Variants in MGAT5B observed in about 807,000 individuals in gnomAD.
MGAT5B encodes the protein alpha-1,6-mannosylglycoprotein 6-beta-N-acetylglucosaminyltransferase B.
A neutral mutation model predicts 95.1 loss-of-function variants in MGAT5B; 54 were observed. That is an observed-to-expected ratio of 0.57 (90% confidence interval 0.46 to 0.71). The LOEUF (loss-of-function observed/expected upper bound fraction) is 0.71. Among genes scored for constraint, MGAT5B ranks in the 30% least tolerant of loss-of-function variants. The pLI is 0.00. For synonymous variants in MGAT5B, 464 were observed against 451.0 expected (o/e 1.03, Z -0.36); for missense variants, 935 against 1,088.6 (o/e 0.86, Z 1.99).
Position 76,882,227 on chromosome 17 carries a change from C to G in MGAT5B, c.258C>G (p.Asp86Glu). 1 of 1,613,704 alleles carries G rather than the reference C, an allele frequency of 6.2e-7. No individual in the cohort carries two copies. The highest frequency in any genetic ancestry group is 8.5e-7 in the Non-Finnish European group (1 of 1,179,930). Residue 86 changes from aspartate to glutamate, a missense_variant, in exon 3 of 18, where the codon GAC becomes GAG. By Grantham distance (45) the Asp-to-Glu change is conservative. Transcript: ENST00000569840. ...TGGAGCTGATGGTGAAGCGCATGGA[C>G]GCACTGGCCAGGCTGGAGAACAGCA... ...DLLELMVKRM[D>E]ALARLENSSE...
At chr17:76,942,453 G>T (rs1165869996) in intron 15 of MGAT5B, among the ~76,000 whole-genome samples, 1 of 152,064 alleles carries the variant, frequency 6.6e-6, no homozygotes, top group Non-Finnish European at 1.5e-5. Context: ...CTTGAACCTG[G>T]GAGGTGGAGG....
intron 3 of MGAT5B, among the ~76,000 whole-genome samples, chr17:76,886,990 G>A (rs1967654151): frequency 6.6e-6 from 1 of 152,144 alleles, no homozygotes; most frequent in Admixed American, 6.5e-5. Flanking sequence ...GCTGCACTGA[G>A]CTGAGATCGC....
In MGAT5B at chr17:76,932,700, G is replaced by A. The variant is rs147087346; in HGVS notation, c.1347G>A (p.Thr449=). 363 of 1,614,018 alleles carry A rather than the reference G, an allele frequency of 2.2e-4. 1 individual carries two copies. The African/African-American group carries it at 4.3e-3, about 19-fold the overall frequency. The change falls in exon 11 of 18, where the codon ACG becomes ACA. Residue 449 remains threonine, a synonymous_variant. Coordinates refer to ENST00000569840, the MANE Select transcript of MGAT5B (RefSeq NM_001199172.2). ...MGFVSEELNE[T]EKRLIKGGKA... ...TCGTGTCCGAGGAGCTCAACGAGAC[G>A]GAGAAGCGGCTCATCAAAGGCGGCA...
chr17:76,888,028 G>A (rs961103150), intron 3 of MGAT5B, among the ~76,000 whole-genome samples: 2 of 152,168 alleles, frequency 1.3e-5, no homozygotes, highest in African/African-American at 2.4e-5. Context: ...TGTCCCTGGA[G>A]CACAGTGATC....
intron 4 of MGAT5B, 111 bp downstream of exon 4, chr17:76,902,781 A>T (rs1968364718): frequency 2.3e-6 from 2 of 858,680 alleles, no homozygotes. Flanking sequence ...TTCTCCTGAC[A>T]GCAGCTCTGC....
At position 76,906,303 on chromosome 17, in the gene MGAT5B, C is replaced by A; in HGVS notation, c.1025+116C>A. 1.0e-6 allele frequency: 1 copy of A among 952,418 alleles called. No homozygotes were observed. The highest frequency in any genetic ancestry group is 1.5e-6 in the Non-Finnish European group (1 of 661,390). 59.0% of individuals were successfully genotyped at this position (952,418 alleles called of 1,614,324 possible). ...CCTGCTCTGCCTGCAGGTCCCACGG[C>A]CCTGAGACCCTGGGAGACATCCTGG... On this transcript the variant is annotated intron_variant, in intron 8 of 17. Coordinates refer to ENST00000569840, the MANE Select transcript of MGAT5B (RefSeq NM_001199172.2). The surrounding 1 kb of genome is among the most constrained non-coding windows in gnomAD (Gnocchi z 4.6).
rs891596073 is a variant in MGAT5B, at chr17:76,940,983, C to T, written c.1848+135C>T. The T allele has an allele frequency of 2.2e-5, 15 of 668,948 alleles. No homozygotes were observed. Among genetic ancestry groups the T allele is most frequent in the Non-Finnish European group, 3.4e-5 (13 of 382,812 alleles). The allele number at this position is 668,948 out of a possible 1,614,324, so 41.4% of individuals were successfully genotyped here. A position where few individuals can be genotyped will look rare whatever the true frequency, so the allele number is the denominator to read the frequency against. ...GGTTGGCAAAGGTGTCCATCCCTCC[C>T]CTGGTCAGACACAGCCCTGAGCCAG... On this transcript the variant is annotated intron_variant, in intron 15 of 17. Coordinates refer to ENST00000569840, the MANE Select transcript of MGAT5B (RefSeq NM_001199172.2). This position sits in a 1 kb window ranked among gnomAD's most constrained non-coding sequence, Gnocchi z 4.3.
intron 3 of MGAT5B, among the ~76,000 whole-genome samples, chr17:76,895,850 T>C (rs2042408936): frequency 1.3e-5 from 2 of 152,220 alleles, no homozygotes; most frequent in African/African-American, 4.8e-5. Flanking sequence ...TATTTTATAA[T>C]ATATGAAAAT....
Position 76,904,279 on chromosome 17 carries a change from C to T in MGAT5B, c.547C>T (p.Pro183Ser), listed in dbSNP as rs1598935977. Residue 183 changes from proline (P) to serine (S), a missense_variant, in exon 6 of 18, where the codon CCC becomes TCC. Around this residue, in one of 4 missense-constraint regions of MGAT5B, gnomAD observed 243 missense variants for 305.5 expected, o/e 0.80. Transcript: ENST00000569840. ...EWMRARWTSDPCYAFFGVDGT... is the reference protein window; with the variant it reads ...EWMRARWTSDSCYAFFGVDGT... Reference sequence around the variant, plus strand: ...GATGCGTGCCCGCTGGACCTCTGACCCCTGCTACGCCTTCTTTGGGGTGGA... The same window carrying T: ...GATGCGTGCCCGCTGGACCTCTGACTCCTGCTACGCCTTCTTTGGGGTGGA... 6.2e-7 allele frequency: 1 copy of T among 1,610,784 alleles called. No homozygotes were observed. Among genetic ancestry groups the T allele is most frequent in the Non-Finnish European group, 8.5e-7 (1 of 1,179,042 alleles).
At chr17:76,908,275 C>CTTTTTTTTTTT (rs5822149) in intron 8 of MGAT5B, among the ~76,000 whole-genome samples, 8 of 103,070 alleles carry the variant, frequency 7.8e-5, no homozygotes, top group Non-Finnish European at 1.1e-4. Flanking sequence ...TTTCTTTCTT[C>CTTTTTTTTTTT]TTTTTTTTTT....
At chr17:76,902,527 TG>T in intron 3 of MGAT5B, 27 bp from the exon 4 acceptor site, 1 of 1,533,326 alleles carries the variant, frequency 6.5e-7, no homozygotes, top group Admixed American at 1.9e-5. Flanking sequence ...GCCGGTTCTG[TG>T]GCTCACCTCT....
intron 1 of MGAT5B, among the ~76,000 whole-genome samples, chr17:76,872,303 C>G (rs1967038874): frequency 6.6e-6 from 1 of 152,216 alleles, no homozygotes; most frequent in South Asian, 2.1e-4. Context: ...AAGGCCTCTG[C>G]ACACTGCACC....
Position 76,940,879 on chromosome 17 carries a change from C to T in MGAT5B, c.1848+31C>T, listed in dbSNP as rs759050336. ...AGCAGCCACATACAGTTGAGACCCC[C>T]CACTAGTCCACACTGCTGGTCTTCA... On this transcript the variant is annotated intron_variant, in intron 15 of 17. Transcript: ENST00000569840. The surrounding 1 kb of genome is among the most constrained non-coding windows in gnomAD (Gnocchi z 4.3). The T allele has an allele frequency of 1.3e-5, 20 of 1,526,128 alleles. No individual in the cohort carries two copies. In the Admixed American group the frequency reaches 3.2e-4, roughly 24 times the overall value. 94.5% of individuals were successfully genotyped at this position (1,526,128 alleles called of 1,614,324 possible).
Position 76,889,980 on chromosome 17 carries a change from G to A in MGAT5B, c.329+7682G>A, listed in dbSNP as rs1292870738. ...TCCCCAGCTTTTCTGTTGAAGGCAG[G>A]GCGGGACCAGAGACCTTCACTCCCC... On this transcript the variant is annotated intron_variant, in intron 3 of 17. Coordinates refer to ENST00000569840, the MANE Select transcript of MGAT5B (RefSeq NM_001199172.2). The surrounding 1 kb of genome is among the most constrained non-coding windows in gnomAD (Gnocchi z 4.4). Among the ~76,000 whole-genome samples, 1 of 152,230 alleles carries A rather than the reference G, an allele frequency of 6.6e-6. No individual in the cohort carries two copies. Among genetic ancestry groups the A allele is most frequent in the Non-Finnish European group, 1.5e-5 (1 of 68,048 alleles).
Position 76,948,901 on chromosome 17 carries a change from C to T in MGAT5B, c.*63C>T. 1 of 1,485,390 alleles carries T rather than the reference C, an allele frequency of 6.7e-7. No homozygotes were observed. The highest frequency in any genetic ancestry group is 9.0e-7 in the Non-Finnish European group (1 of 1,107,806). 92.0% of individuals were successfully genotyped at this position (1,485,390 alleles called of 1,614,324 possible). A position where few individuals can be genotyped will look rare whatever the true frequency, so the allele number is the denominator to read the frequency against. On this transcript the variant is annotated 3_prime_UTR_variant, in exon 18 of 18. Coordinates refer to ENST00000569840, the MANE Select transcript of MGAT5B (RefSeq NM_001199172.2). ...TCTCTCCTGCCGCGGGAGAAAGCACCAGCAGGTTCTGAGCCCTGGCTGCTT... is the reference window on the plus strand; with the variant it reads ...TCTCTCCTGCCGCGGGAGAAAGCACTAGCAGGTTCTGAGCCCTGGCTGCTT...
chr17:76,878,821 A>C (rs1332181104), intron 2 of MGAT5B, among the ~76,000 whole-genome samples: 2 of 152,008 alleles, frequency 1.3e-5, no homozygotes, highest in African/African-American at 4.8e-5. Context: ...CCATTTCTCT[A>C]ATCTCCGGAG....
chr17:76,905,249 G>T lies in MGAT5B; in HGVS notation c.771G>T (p.Arg257=). 8 of 1,613,274 alleles carry T rather than the reference G, an allele frequency of 5.0e-6. No individual in the cohort carries two copies. The highest frequency in any genetic ancestry group is 6.8e-6 in the Non-Finnish European group (8 of 1,179,618). ...AGTCCCTGATCTTCATGAAGAAGCGGACCAAGAGGCTCACAGCCCAGTGGG... is the reference window on the plus strand; with the variant it reads ...AGTCCCTGATCTTCATGAAGAAGCGTACCAAGAGGCTCACAGCCCAGTGGG... ...GKESLIFMKK[R]TKRLTAQWAL... Residue 257 remains arginine (R), a synonymous_variant, in exon 7 of 18, where the codon CGG becomes CGT. Coordinates refer to ENST00000569840, the MANE Select transcript of MGAT5B (RefSeq NM_001199172.2). This position sits in a 1 kb window ranked among gnomAD's most constrained non-coding sequence, Gnocchi z 4.2.
chr17:76,889,872 CT>C lies in MGAT5B; in HGVS notation c.329+7575del, dbSNP rs1004475880. 6.6e-6 allele frequency among the ~76,000 whole-genome samples: 1 copy of C among 152,208 alleles called. No individual in the cohort carries two copies. Among genetic ancestry groups the C allele is most frequent in the Admixed American group, 6.5e-5 (1 of 15,282 alleles). ...AAGTCCCAAGTTCCCAGTGCAGTCC[CT>C]GCCGGGCTGGGAGGGAGGTGGGACC... On this transcript the variant is annotated intron_variant, in intron 3 of 17. Transcript: ENST00000569840. The surrounding 1 kb of genome is among the most constrained non-coding windows in gnomAD (Gnocchi z 4.4).
intron 2 of MGAT5B, 33 bp from the exon 3 acceptor site, chr17:76,882,118 C>A (rs754730959): frequency 6.4e-7 from 1 of 1,570,060 alleles, no homozygotes; most frequent in Non-Finnish European, 8.7e-7. Context: ...GCTGCTCGGG[C>A]CTCCCCTAAC....
Sources: allele counts gnomAD v4.1 joint callset (sites outside exome capture counted in the v4.1 genomes callset), GRCh38; gene constraint gnomAD v4.1.1; regional missense constraint gnomAD v4.1.1; non-coding constraint Gnocchi (gnomAD v3.1); transcripts MANE v1.5; gene names NCBI Gene and HGNC (gene_info 2026-07-23, HGNC 2026-07-21).